The following SYT1 variants were observed in gnomAD, a reference collection of about 807,000 sequenced individuals.
SYT1 encodes the protein synaptotagmin-1.
A neutral mutation model predicts 44.8 loss-of-function variants in SYT1; 8 were observed. That is an observed-to-expected ratio of 0.18 (90% CI 0.10 to 0.32). The LOEUF (loss-of-function observed/expected upper bound fraction) is 0.32, where lower values mean the gene tolerates loss of function less well. SYT1 is among the 10% of genes least tolerant of loss of function. The probability of loss-of-function intolerance (pLI) is 1.00; values close to 1 mark genes in which losing one functional copy is unlikely to be tolerated. For missense variants in SYT1, 286 were observed against 509.3 expected (o/e 0.56, Z 4.22); for synonymous variants, 154 against 188.8 (o/e 0.82, Z 1.51).
chr12:79,057,463 T>C (rs747782578), intron 3 of SYT1, among the ~76,000 whole-genome samples: 7 of 152,192 alleles, frequency 4.6e-5, no homozygotes, highest in Middle Eastern at 3.4e-3. Flanking sequence ...AAGAAATAAT[T>C]CTTAGCAGTA....
At chr12:78,992,633 T>C (rs1444964013) in intron 2 of SYT1, among the ~76,000 whole-genome samples, 2 of 152,164 alleles carry the variant, frequency 1.3e-5, no homozygotes, top group Non-Finnish European at 2.9e-5. Context: ...GCCTACAGAA[T>C]TGGACCATCT....
chr12:79,219,679 T>A (rs1486136237), intron 4 of SYT1, among the ~76,000 whole-genome samples: 1 of 152,078 alleles, frequency 6.6e-6, no homozygotes. Flanking sequence ...CTTTCTGGGT[T>A]CTCTTTCTGT....
intron 3 of SYT1, among the ~76,000 whole-genome samples, chr12:79,079,808 GA>G (rs1876903492): frequency 6.6e-6 from 1 of 152,022 alleles, no homozygotes; most frequent in Non-Finnish European, 1.5e-5. Flanking sequence ...ACAGATTTTA[GA>G]TCTTAAAGTT....
chr12:79,126,586 G>A (rs1483160640), intron 3 of SYT1, among the ~76,000 whole-genome samples: 1 of 152,096 alleles, frequency 6.6e-6, no homozygotes, highest in East Asian at 1.9e-4. Flanking sequence ...TGCTAGAATT[G>A]TCCCTTAAAT....
chr12:79,138,030 T>C (rs1407454329), intron 3 of SYT1, among the ~76,000 whole-genome samples: 1 of 152,196 alleles, frequency 6.6e-6, no homozygotes, highest in African/African-American at 2.4e-5. Flanking sequence ...ATCACGTCAT[T>C]CAATAATACT....
intron 2 of SYT1, among the ~76,000 whole-genome samples, chr12:78,982,723 T>A (rs1869355497): frequency 6.6e-6 from 1 of 152,194 alleles, no homozygotes; most frequent in Non-Finnish European, 1.5e-5. Flanking sequence ...ATAGAAGTGA[T>A]ACCTCAAAAT....
At chr12:78,975,900 A>G (rs1316549851) in intron 1 of SYT1, among the ~76,000 whole-genome samples, 1 of 152,206 alleles carries the variant, frequency 6.6e-6, no homozygotes, top group African/African-American at 2.4e-5. Flanking sequence ...CAATTATGAA[A>G]AATCACAAAT....
At chr12:79,187,715 T>A (rs980119510) in intron 3 of SYT1, among the ~76,000 whole-genome samples, 1 of 152,100 alleles carries the variant, frequency 6.6e-6, no homozygotes, top group African/African-American at 2.4e-5. Flanking sequence ...TTTTTTCTTT[T>A]CCTGAGAGGG....
At chr12:79,407,827 A>G (rs1488860365) in intron 9 of SYT1, among the ~76,000 whole-genome samples, 1 of 152,148 alleles carries the variant, frequency 6.6e-6, no homozygotes, top group Non-Finnish European at 1.5e-5. Flanking sequence ...TTACTCTGGT[A>G]TACTCACAGG....
intron 3 of SYT1, among the ~76,000 whole-genome samples, chr12:79,167,434 G>A (rs1871283943): frequency 6.6e-6 from 1 of 151,986 alleles, no homozygotes; most frequent in South Asian, 2.1e-4. Context: ...GTGCTTGTGT[G>A]TAGTGGAAAT....
chr12:79,385,765 A>G (rs1884412468), intron 9 of SYT1, among the ~76,000 whole-genome samples: 1 of 152,138 alleles, frequency 6.6e-6, no homozygotes, highest in South Asian at 2.1e-4. Context: ...ATTCAGGAAA[A>G]TGTGTTGTAT....
chr12:79,076,137 G>A (rs1876632733), intron 3 of SYT1, among the ~76,000 whole-genome samples: 1 of 152,114 alleles, frequency 6.6e-6, no homozygotes, highest in Non-Finnish European at 1.5e-5. Context: ...GGATAGTTGT[G>A]GAGAAGTATG....
chr12:79,217,681 T>C lies in SYT1; in HGVS notation c.162T>C (p.Ile54=). The part of the protein sequence containing the change: ...KEKFMNELHK[I]PLPPWALIAI... The stretch of plus-strand genomic sequence containing the variant: ...AGTTTATGAATGAGTTGCATAAAAT[T>C]CCATGTGAGTATTCTATATTAGTAC... The change falls in exon 4 of 11, where the codon ATT becomes ATC. Residue 54 remains isoleucine (I), a synonymous_variant. Coordinates refer to ENST00000261205, the MANE Select transcript of SYT1 (RefSeq NM_005639.3). 1 of 1,611,960 alleles carries C rather than the reference T, an allele frequency of 6.2e-7. No homozygotes were observed. Among genetic ancestry groups the C allele is most frequent in the Non-Finnish European group, 8.5e-7 (1 of 1,179,006 alleles).
chr12:78,957,631 T>G (rs1179849818), intron 1 of SYT1, among the ~76,000 whole-genome samples: 1 of 152,132 alleles, frequency 6.6e-6, no homozygotes, highest in Non-Finnish European at 1.5e-5. Context: ...AAGGAAAAGC[T>G]TATATTCTTT....
intron 2 of SYT1, among the ~76,000 whole-genome samples, chr12:79,005,898 C>G (rs566906640): frequency 6.6e-6 from 1 of 152,230 alleles, no homozygotes; most frequent in African/African-American, 2.4e-5. Flanking sequence ...GGAAACACTT[C>G]AACACTCATG....
At chr12:79,299,025 TAAC>T (rs1214936475) in intron 7 of SYT1, among the ~76,000 whole-genome samples, 1 of 152,200 alleles carries the variant, frequency 6.6e-6, no homozygotes, top group East Asian at 1.9e-4. Flanking sequence ...AAAACAACAA[TAAC>T]AACAAAATAT....
At chr12:78,889,164 G>T (rs188476890) in intron 1 of SYT1, among the ~76,000 whole-genome samples, 127 of 151,866 alleles carry the variant, frequency 8.4e-4, no homozygotes, top group African/African-American at 2.8e-3. Context: ...GGGAATGTTT[G>T]TTAAGAACTA....
At chr12:79,132,482 GA>G (rs1332255208) in intron 3 of SYT1, among the ~76,000 whole-genome samples, 1 of 150,634 alleles carries the variant, frequency 6.6e-6, no homozygotes, top group Non-Finnish European at 1.5e-5. Context: ...CCAAGTATAT[GA>G]AAAAATGCTA....
At chr12:79,286,026 G>T (rs1434657829) in intron 5 of SYT1, 55 bp downstream of exon 5, 3 of 1,534,070 alleles carry the variant, frequency 2.0e-6, no homozygotes, top group African/African-American at 1.4e-5. Flanking sequence ...ATAAACAAAT[G>T]TATTATTTTA....
Sources: allele counts gnomAD v4.1 joint callset (sites outside exome capture counted in the v4.1 genomes callset), GRCh38; gene constraint gnomAD v4.1.1; transcripts MANE v1.5; gene names NCBI Gene and HGNC (gene_info 2026-07-23, HGNC 2026-07-21).